The following DAB1 variants were observed in gnomAD, a reference collection of about 807,000 sequenced individuals.
The protein encoded by DAB1 is disabled homolog 1.
A neutral mutation model predicts 64.6 loss-of-function variants in DAB1; 15 were observed. The ratio of observed to expected loss-of-function variants is 0.23; its 90% CI spans 0.16 to 0.36. The LOEUF (loss-of-function observed/expected upper bound fraction) is 0.36, where lower values mean the gene tolerates loss of function less well. Ranked by LOEUF, DAB1 falls within the 10% of genes least tolerant of loss-of-function variation. The pLI is 1.00. For missense variants in DAB1, 596 were observed against 706.7 expected (o/e 0.84, Z 1.78); for synonymous variants, 235 against 251.9 (o/e 0.93, Z 0.64).
chr1:58,283,777 C>T (rs1481115066), intron 4 of DAB1, among the ~76,000 whole-genome samples: 1 of 152,214 alleles, frequency 6.6e-6, no homozygotes, highest in African/African-American at 2.4e-5. Context: ...CTCCCACAAG[C>T]TTCATCTTCC....
chr1:57,674,819 G>C (rs997003078), intron 6 of DAB1, among the ~76,000 whole-genome samples: 4 of 152,180 alleles, frequency 2.6e-5, no homozygotes, highest in Non-Finnish European at 5.9e-5. Context: ...ATAACTAACA[G>C]ATAATCAGCA....
chr1:58,382,422 A>G (rs1644397506), intron 3 of DAB1, among the ~76,000 whole-genome samples: 1 of 152,214 alleles, frequency 6.6e-6, no homozygotes, highest in Non-Finnish European at 1.5e-5. Context: ...ACTAATCTGC[A>G]AAAATGAAAC....
intron 7 of DAB1, among the ~76,000 whole-genome samples, chr1:57,507,456 C>G (rs1229379812): frequency 6.6e-6 from 1 of 152,176 alleles, no homozygotes; most frequent in Non-Finnish European, 1.5e-5. Flanking sequence ...TTCTATATTT[C>G]CACCTCAACT....
intron 1 of DAB1, among the ~76,000 whole-genome samples, chr1:57,406,633 G>T (rs1301747005): frequency 1.3e-5 from 2 of 152,116 alleles, no homozygotes; most frequent in African/African-American, 4.8e-5. Context: ...CATCATCATT[G>T]CCACCAGCAC....
At chr1:57,657,951 A>T (rs564220516) in intron 6 of DAB1, among the ~76,000 whole-genome samples, 8 of 152,304 alleles carry the variant, frequency 5.3e-5, no homozygotes, top group Non-Finnish European at 1.0e-4. Context: ...TCATTTACCA[A>T]GTCATCCATC....
chr1:58,208,784 C>A (rs186485797), intron 4 of DAB1, among the ~76,000 whole-genome samples: 1 of 152,272 alleles, frequency 6.6e-6, no homozygotes, highest in East Asian at 1.9e-4. Context: ...ATAATGACTT[C>A]TTTTCCTCTG....
At chr1:58,139,095 C>A (rs2100711149) in intron 5 of DAB1, among the ~76,000 whole-genome samples, 2 of 152,268 alleles carry the variant, frequency 1.3e-5, no homozygotes, top group East Asian at 3.9e-4. Context: ...GACCTGGCAG[C>A]TCCTACTTCA....
chr1:58,486,424 C>A (rs1645576918), intron 3 of DAB1, among the ~76,000 whole-genome samples: 1 of 152,142 alleles, frequency 6.6e-6, no homozygotes, highest in South Asian at 2.1e-4. Flanking sequence ...CTATTAATGT[C>A]CTACATGCTA....
chr1:57,329,380 C>A (rs1676453350), intron 1 of DAB1, among the ~76,000 whole-genome samples: 1 of 152,198 alleles, frequency 6.6e-6, no homozygotes, highest in African/African-American at 2.4e-5. Flanking sequence ...CTCTTAGTTA[C>A]AAAGTCATTG....
chr1:57,320,450 T>G (rs1391089349), intron 1 of DAB1, among the ~76,000 whole-genome samples: 1 of 152,212 alleles, frequency 6.6e-6, no homozygotes, highest in African/African-American at 2.4e-5. Flanking sequence ...TGTAAGGTCA[T>G]AGAGCATTAA....
At chr1:57,129,604 T>C (rs1657467643) in intron 4 of DAB1, among the ~76,000 whole-genome samples, 1 of 152,100 alleles carries the variant, frequency 6.6e-6, no homozygotes, top group Non-Finnish European at 1.5e-5. Context: ...AGAAAATGAC[T>C]CAAATCTGTC....
At position 57,974,844 on chromosome 1, in the gene DAB1, A is replaced by G. The variant is rs528087998; in HGVS notation, n.388-90682T>C. Among the ~76,000 whole-genome samples, 11 of 152,326 alleles carry G rather than the reference A, an allele frequency of 7.2e-5. No homozygotes were observed. The South Asian group carries it at 2.3e-3, about 32-fold the overall frequency. Reference sequence around the variant, plus strand: ...TATTATCCATAATATATAGATATATAGTAATCCATATATATAGTAATTCCT... The same window carrying G: ...TATTATCCATAATATATAGATATATGGTAATCCATATATATAGTAATTCCT... On this transcript the variant is annotated intron_variant and non_coding_transcript_variant, in intron 5 of 20. Coordinates refer to the DAB1 transcript ENST00000485760.
At chr1:57,649,156 T>C (rs1259201661) in intron 7 of DAB1, among the ~76,000 whole-genome samples, 1 of 152,238 alleles carries the variant, frequency 6.6e-6, no homozygotes, top group African/African-American at 2.4e-5. Context: ...TGTTTGAGTT[T>C]ATTTTCCACA....
At chr1:58,016,226 A>G (rs1646737253) in intron 5 of DAB1, among the ~76,000 whole-genome samples, 1 of 152,214 alleles carries the variant, frequency 6.6e-6, no homozygotes, top group East Asian at 1.9e-4. Context: ...CAGTCTCTGA[A>G]CCAACCATTC....
chr1:57,639,223 A>G (rs958619331), intron 7 of DAB1, among the ~76,000 whole-genome samples: 1 of 141,916 alleles, frequency 7.0e-6, no homozygotes, highest in Non-Finnish European at 1.5e-5. Context: ...AAATAACTTT[A>G]TAAAGTTCTT....
At chr1:57,329,973 T>C (rs1048077860) in intron 1 of DAB1, among the ~76,000 whole-genome samples, 1 of 152,216 alleles carries the variant, frequency 6.6e-6, no homozygotes, top group African/African-American at 2.4e-5. Context: ...TTTCTGGTGC[T>C]AATTCAAAAG....
intron 4 of DAB1, among the ~76,000 whole-genome samples, chr1:58,269,103 C>T (rs892516451): frequency 1.3e-5 from 2 of 149,986 alleles, no homozygotes; most frequent in African/African-American, 2.4e-5. Context: ...CATGCTGGTG[C>T]GCTGCACCCA....
intron 1 of DAB1, among the ~76,000 whole-genome samples, chr1:57,419,719 C>T (rs1487491009): frequency 6.6e-6 from 1 of 152,172 alleles, no homozygotes; most frequent in Non-Finnish European, 1.5e-5. Context: ...CTGTAATCTT[C>T]ATAATTTTAT....
chr1:57,428,921 T>C (rs1229732436), upstream of DAB1, among the ~76,000 whole-genome samples: 5 of 149,932 alleles, frequency 3.3e-5, no homozygotes, highest in Non-Finnish European at 5.9e-5. Context: ...TTGTTTGCTT[T>C]TTTTTTTTTG....
Sources: gnomAD v4.1 joint callset for allele counts (sites outside exome capture counted in the v4.1 genomes callset) on GRCh38, gnomAD v4.1.1 for gene constraint, MANE v1.5 for transcripts, NCBI Gene and HGNC (gene_info 2026-07-23, HGNC 2026-07-21) for gene names.